Variants in ADGRL2 observed in about 807,000 individuals in gnomAD.
The protein encoded by ADGRL2 is calcium-independent alpha-latrotoxin receptor 2.
In ADGRL2, 44 loss-of-function variants were observed where a neutral mutation model predicts 157.4. That is an observed-to-expected ratio of 0.28 (90% CI 0.22 to 0.36). ADGRL2 has a LOEUF of 0.36. Among genes scored for constraint, ADGRL2 ranks in the 10% least tolerant of loss-of-function variants. The pLI is 1.00. For missense variants in ADGRL2, 1,510 were observed against 1,768.9 expected, an observed-to-expected ratio of 0.85 and a Z score of 2.63; for synonymous variants, 585 against 624.7, an observed-to-expected ratio of 0.94 and a Z score of 0.95.
intron 2 of ADGRL2, among the ~76,000 whole-genome samples, chr1:81,484,579 G>T (rs2078460361): frequency 6.6e-6 from 1 of 152,152 alleles, no homozygotes. Context: ...CCTAAACTAT[G>T]ATGTGGTTCA....
At chr1:81,447,369 TTC>T (rs1391254138) in intron 2 of ADGRL2, among the ~76,000 whole-genome samples, 1 of 152,178 alleles carries the variant, frequency 6.6e-6, no homozygotes, top group Non-Finnish European at 1.5e-5. Context: ...ACTTCAGAAA[TTC>T]AGGATTGTTT....
chr1:81,549,836 C>T (rs1156465933), intron 2 of ADGRL2, among the ~76,000 whole-genome samples: 1 of 152,192 alleles, frequency 6.6e-6, no homozygotes, highest in East Asian at 1.9e-4. Context: ...AGAGAGGTAT[C>T]TTCATTCAAC....
At chr1:81,395,416 T>C (rs2076637436) in intron 1 of ADGRL2, among the ~76,000 whole-genome samples, 2 of 152,182 alleles carry the variant, frequency 1.3e-5, no homozygotes, top group South Asian at 4.1e-4. Flanking sequence ...TATTTAGTTG[T>C]TCGAGATCCT....
intron 1 of ADGRL2, among the ~76,000 whole-genome samples, chr1:81,363,120 C>T (rs2076006705): frequency 6.6e-6 from 1 of 151,922 alleles, no homozygotes; most frequent in African/African-American, 2.4e-5. Context: ...TATCTTAAAT[C>T]ATTTCAGTAT....
chr1:81,776,047 T>A (rs1191186358), intron 2 of ADGRL2, among the ~76,000 whole-genome samples: 1 of 152,166 alleles, frequency 6.6e-6, no homozygotes, highest in African/African-American at 2.4e-5. Flanking sequence ...AGTAATGATT[T>A]ACTATCAGTG....
At chr1:81,664,906 T>C (rs748735414) in intron 3 of ADGRL2, among the ~76,000 whole-genome samples, 1 of 152,152 alleles carries the variant, frequency 6.6e-6, no homozygotes, top group Non-Finnish European at 1.5e-5. Flanking sequence ...ATTTATTTTA[T>C]ATATATTTAT....
intron 2 of ADGRL2, among the ~76,000 whole-genome samples, chr1:81,567,727 T>G (rs1266037195): frequency 6.6e-6 from 1 of 152,134 alleles, no homozygotes; most frequent in Non-Finnish European, 1.5e-5. Flanking sequence ...TTAAAATGCT[T>G]TTTACACAAA....
intron 1 of ADGRL2, among the ~76,000 whole-genome samples, chr1:81,756,710 T>C (rs963692503): frequency 3.9e-5 from 6 of 152,184 alleles, no homozygotes; most frequent in African/African-American, 9.6e-5. Flanking sequence ...CTATAGGTAA[T>C]TGTGATTTTT....
chr1:81,336,756 GC>G (rs1347726795), intron 1 of ADGRL2, among the ~76,000 whole-genome samples: 1 of 152,140 alleles, frequency 6.6e-6, no homozygotes, highest in African/African-American at 2.4e-5. Context: ...GTAGAAGAGG[GC>G]AGTCCCCGGT....
intron 1 of ADGRL2, among the ~76,000 whole-genome samples, chr1:81,727,070 A>G (rs1032200730): frequency 6.6e-6 from 1 of 152,194 alleles, no homozygotes; most frequent in Non-Finnish European, 1.5e-5. Flanking sequence ...TTGCACTACA[A>G]TGTTCTCCTT....
At chr1:81,478,772 T>A (rs1343170632) in intron 2 of ADGRL2, among the ~76,000 whole-genome samples, 2 of 152,214 alleles carry the variant, frequency 1.3e-5, no homozygotes, top group African/African-American at 4.8e-5. Context: ...GCTTTTAGCA[T>A]TTTTGGTGAT....
At chr1:81,413,732 T>G (rs1557670650) in intron 1 of ADGRL2, among the ~76,000 whole-genome samples, 1 of 152,228 alleles carries the variant, frequency 6.6e-6, no homozygotes, top group Non-Finnish European at 1.5e-5. Context: ...TAGATTTCCT[T>G]TTACACTATC....
At chr1:81,652,822 G>T (rs919537303) in intron 3 of ADGRL2, among the ~76,000 whole-genome samples, 18 of 152,082 alleles carry the variant, frequency 1.2e-4, no homozygotes, top group Admixed American at 6.5e-4. Context: ...CAGAGTGAGG[G>T]GGTGATTTAT....
intron 2 of ADGRL2, among the ~76,000 whole-genome samples, chr1:81,859,716 A>C (rs1187388381): frequency 6.6e-6 from 1 of 152,040 alleles, no homozygotes; most frequent in Non-Finnish European, 1.5e-5. Context: ...CCCTGAAATA[A>C]AATTTTTAAT....
chr1:81,402,007 T>C (rs907959411), intron 1 of ADGRL2, among the ~76,000 whole-genome samples: 3 of 150,348 alleles, frequency 2.0e-5, no homozygotes, highest in South Asian at 4.1e-4. Flanking sequence ...TTGTTTGTTT[T>C]GCAATTCCAA....
chr1:81,343,089 T>TTC (rs1192149420), intron 1 of ADGRL2, among the ~76,000 whole-genome samples: 5 of 124,744 alleles, frequency 4.0e-5, no homozygotes, highest in African/African-American at 6.0e-5. Context: ...TCTTTTTTCT[T>TTC]TTCTTTTTTT....
chr1:81,468,891 A>G (rs1449071417), intron 2 of ADGRL2, among the ~76,000 whole-genome samples: 1 of 152,218 alleles, frequency 6.6e-6, no homozygotes, highest in Non-Finnish European at 1.5e-5. Context: ...TCACAAAAGT[A>G]AACTGTGAGG....
chr1:81,411,271 T>C (rs2076940614), intron 1 of ADGRL2, among the ~76,000 whole-genome samples: 2 of 152,246 alleles, frequency 1.3e-5, no homozygotes, highest in Non-Finnish European at 2.9e-5. Flanking sequence ...TCTCAAACTA[T>C]AGAAAGTATT....
intron 3 of ADGRL2, among the ~76,000 whole-genome samples, chr1:81,672,714 T>C (rs1298504863): frequency 6.6e-6 from 1 of 152,194 alleles, no homozygotes; most frequent in Non-Finnish European, 1.5e-5. Flanking sequence ...GATTTCATAA[T>C]GGAAAATTGA....
Sources: gnomAD v4.1 joint callset for allele counts (sites outside exome capture counted in the v4.1 genomes callset) on GRCh38, gnomAD v4.1.1 for gene constraint, MANE v1.5 for transcripts, NCBI Gene and HGNC (gene_info 2026-07-23, HGNC 2026-07-21) for gene names.